The following NISCH variants were observed in gnomAD, a reference collection of about 807,000 sequenced individuals.
The protein encoded by NISCH is nischarin, also known as I-1 receptor candidate protein.
NISCH carries 55 observed loss-of-function variants against 138.4 expected under a neutral mutation model. The observed-to-expected ratio is 0.40, with a 90% CI of 0.32 to 0.50. The LOEUF is 0.50. Ranked by LOEUF, NISCH falls within the 20% of genes least tolerant of loss-of-function variation. The pLI, the probability that NISCH is intolerant of heterozygous loss-of-function variation, is 0.71. For missense variants in NISCH, 1,643 were observed against 2,005.5 expected (o/e 0.82, Z 3.45); for synonymous variants, 860 against 861.5 (o/e 1.00, Z 0.03).
intron 13 of NISCH, chr3:52,481,772 A>T: frequency 2.0e-6 from 2 of 985,534 alleles, no homozygotes; most frequent in Non-Finnish European, 2.4e-6. Context: ...CCTCTGCACC[A>T]GCTCAGCCCC....
chr3:52,479,265 C>A (rs1372156791), intron 11 of NISCH, among the ~76,000 whole-genome samples: 4 of 152,302 alleles, frequency 2.6e-5, no homozygotes, highest in Admixed American at 6.5e-5. Flanking sequence ...CCCAACCCCC[C>A]ACTGCCTGCC....
intron 12 of NISCH, 41 bp from the exon 13 acceptor site, chr3:52,480,143 T>C (rs1578300588): frequency 6.2e-7 from 1 of 1,611,318 alleles, no homozygotes; most frequent in South Asian, 1.1e-5. Flanking sequence ...AGCTCTGTGC[T>C]TCCTCTTCTC....
At chr3:52,462,967 T>G (rs1206930653) in intron 3 of NISCH, among the ~76,000 whole-genome samples, 1 of 152,152 alleles carries the variant, frequency 6.6e-6, no homozygotes, top group Non-Finnish European at 1.5e-5. Context: ...TGAGATATAA[T>G]TTACATACCA....
At position 52,471,829 on chromosome 3, in the gene NISCH, G is replaced by T. The variant is rs1343189251; in HGVS notation, c.425G>T (p.Gly142Val). 6.2e-7 allele frequency: 1 copy of T among 1,614,016 alleles called. No individual in the cohort carries two copies. The highest frequency in any genetic ancestry group is 8.5e-7 in the Non-Finnish European group (1 of 1,179,986). ...ELFEKGEQLL[G>V]AGEVFAIGPL... ...GCTCTTGCAGGAGAACAGCTCCTGG[G>T]GGCCGGCGAGGTCTTTGCCATTGGA... is the stretch of plus-strand genomic sequence containing the variant. Residue 142 changes from glycine (G) to valine (V), a missense_variant, in exon 5 of 21, where the codon GGG becomes GTG. Coordinates refer to ENST00000345716, the MANE Select transcript of NISCH (RefSeq NM_007184.4).
Position 52,487,950 on chromosome 3 carries a change from T to C in NISCH, c.2458T>C (p.Cys820Arg), listed in dbSNP as rs775120320. 1.6e-5 allele frequency: 25 copies of C among 1,611,928 alleles called. No individual in the cohort carries two copies. The highest frequency in any genetic ancestry group is 2.0e-5 in the Non-Finnish European group (24 of 1,179,970). The change falls in exon 16 of 21, where the codon TGT (cysteine) becomes CGT (arginine). Residue 820 changes from cysteine (C) to arginine (R), a missense_variant. Coordinates refer to ENST00000345716, the MANE Select transcript of NISCH (RefSeq NM_007184.4). The surrounding 1 kb of genome is among the most constrained non-coding windows in gnomAD (Gnocchi z 9.1). Reference protein sequence around the residue: ...CFAPQHMAMLCSPILYGSHTS... With the variant: ...CFAPQHMAMLRSPILYGSHTS... ...TGCACCCCAGCACATGGCCATGCTGTGTAGCCCCATCCTCTACGGCAGCCA... is the reference window on the plus strand; with the variant it reads ...TGCACCCCAGCACATGGCCATGCTGCGTAGCCCCATCCTCTACGGCAGCCA...
rs1371928458 is a variant in NISCH at position 52,487,148 on chromosome 3, G to A, written c.1704-48G>A. Reference sequence around the variant, plus strand: ...CTCCAGATGTGGCAGGTGGGAGGTGGGAGGGGCCCCTCCCAGCATGCCACT... The same window carrying A: ...CTCCAGATGTGGCAGGTGGGAGGTGAGAGGGGCCCCTCCCAGCATGCCACT... On this transcript the variant is annotated intron_variant, in intron 15 of 20. Coordinates refer to ENST00000345716, the MANE Select transcript of NISCH (RefSeq NM_007184.4). The surrounding 1 kb of genome is among the most constrained non-coding windows in gnomAD (Gnocchi z 9.1). 9.6e-6 allele frequency: 15 copies of A among 1,566,326 alleles called. No individual in the cohort carries two copies. Among genetic ancestry groups the A allele is most frequent in the Admixed American group, 1.8e-5 (1 of 56,794 alleles).
chr3:52,459,254 G>A (rs909013086), intron 3 of NISCH, among the ~76,000 whole-genome samples: 5 of 152,140 alleles, frequency 3.3e-5, no homozygotes, highest in South Asian at 2.1e-4. Context: ...ATCTTGGGGC[G>A]TGTCATCAGG....
chr3:52,479,972 C>T (rs926412207), intron 12 of NISCH, 110 bp downstream of exon 12: 14 of 1,008,368 alleles, frequency 1.4e-5, no homozygotes, highest in Middle Eastern at 2.9e-4. Flanking sequence ...GTCCCAGCTG[C>T]GCCCCTCCCT....
In NISCH at chr3:52,484,698, GT is replaced by G. The variant is rs1707363957; in HGVS notation, c.1653+63del. ...CTGTGGGTGGACTCTTCTGCTTGGG[GT>G]TGTGTGCAGTAGGAAGTGGCCTAGC... On this transcript the variant is annotated intron_variant, in intron 14 of 20. Coordinates refer to ENST00000345716, the MANE Select transcript of NISCH (RefSeq NM_007184.4). 3.1e-6 allele frequency: 5 copies of G among 1,598,922 alleles called. No homozygotes were observed. In the Admixed American group the frequency reaches 6.7e-5, roughly 21 times the overall value.
Position 52,487,443 on chromosome 3 carries a change from G to A in NISCH, c.1951G>A (p.Glu651Lys). 6.2e-7 allele frequency: 1 copy of A among 1,608,266 alleles called. No homozygotes were observed. The highest frequency in any genetic ancestry group is 8.5e-7 in the Non-Finnish European group (1 of 1,175,662). ...GGAGGAAGAAGAGGAGGACGTGGCTGAGAACCGCTACTTTGAAATGGGGCC... is the reference window on the plus strand; with the variant it reads ...GGAGGAAGAAGAGGAGGACGTGGCTAAGAACCGCTACTTTGAAATGGGGCC... Reference protein sequence around the residue: ...EEEEEEEDVAENRYFEMGPPD... With the variant: ...EEEEEEEDVAKNRYFEMGPPD... The change falls in exon 16 of 21, where the codon GAG becomes AAG. Residue 651 changes from glutamate to lysine, a missense_variant. Transcript: ENST00000345716. The surrounding 1 kb of genome is among the most constrained non-coding windows in gnomAD (Gnocchi z 9.1).
chr3:52,458,726 C>T lies in NISCH; in HGVS notation c.242C>T (p.Ser81Leu). 6.2e-7 allele frequency: 1 copy of T among 1,614,014 alleles called. No individual in the cohort carries two copies. ...CCCAAAAAGATAATTGGGAAAAACT[C>T]AAGAAGCTTGGTGGAGAAGAGGGAG... The part of the protein sequence containing the change: ...LPPKKIIGKN[S>L]RSLVEKREKD... The change falls in exon 3 of 21, where the codon TCA becomes TTA. Residue 81 changes from serine (S) to leucine (L), a missense_variant. Physicochemically the swap from Ser to Leu is moderately radical, Grantham distance 145. Coordinates refer to ENST00000345716, the MANE Select transcript of NISCH (RefSeq NM_007184.4).
chr3:52,472,224 T>C, intron 5 of NISCH, 79 bp from the exon 6 acceptor site: 2 of 1,374,226 alleles, frequency 1.5e-6, no homozygotes, highest in Non-Finnish European at 2.1e-6. Flanking sequence ...CAAAGTTGTC[T>C]TCAACTTGTC....
intron 3 of NISCH, among the ~76,000 whole-genome samples, chr3:52,459,396 T>C (rs35258126): frequency 0.047 from 7,099 of 152,324 alleles, 284 homozygotes; most frequent in Non-Finnish European, 0.069. Context: ...CAGAATGCGT[T>C]GTCAGACTTT....
At chr3:52,471,626 G>A (rs1346936087) in intron 4 of NISCH, 188 bp from the exon 5 acceptor site, 11 of 629,162 alleles carry the variant, frequency 1.7e-5, no homozygotes, top group Middle Eastern at 8.3e-4. Flanking sequence ...GTCATCACAT[G>A]TCTAGGGTTG....
At position 52,487,663 on chromosome 3, in the gene NISCH, A is replaced by G; in HGVS notation, c.2171A>G (p.Gln724Arg). 6.2e-7 allele frequency: 1 copy of G among 1,613,696 alleles called. No homozygotes were observed. Among genetic ancestry groups the G allele is most frequent in the Non-Finnish European group, 8.5e-7 (1 of 1,179,996 alleles). Residue 724 changes from glutamine to arginine, a missense_variant, in exon 16 of 21, where the codon CAG becomes CGG. By Grantham distance (43) the Gln-to-Arg change is conservative. Coordinates refer to ENST00000345716, the MANE Select transcript of NISCH (RefSeq NM_007184.4). This position sits in a 1 kb window ranked among gnomAD's most constrained non-coding sequence, Gnocchi z 9.1. The stretch of plus-strand genomic sequence containing the variant: ...ATCCATGTGCAGGGCAGTATCCGCC[A>G]GTTCGCCGCCTGCCTTGTGCTCACC... ...FLIHVQGSIR[Q>R]FAACLVLTDF...
chr3:52,471,069 T>C (rs754927466), intron 4 of NISCH, among the ~76,000 whole-genome samples, 162 bp downstream of exon 4: 3 of 152,130 alleles, frequency 2.0e-5, no homozygotes, highest in Non-Finnish European at 4.4e-5. Flanking sequence ...TTGAGTACCA[T>C]GTCAGGGGCT....
intron 13 of NISCH, among the ~76,000 whole-genome samples, chr3:52,483,041 T>G (rs1216578307): frequency 6.6e-6 from 1 of 151,826 alleles, no homozygotes; most frequent in Non-Finnish European, 1.5e-5. Context: ...ATCTCGAAGG[T>G]GAATAGGAGT....
intron 20 of NISCH, 170 bp from the exon 21 acceptor site, chr3:52,491,702 G>C: frequency 9.3e-7 from 1 of 1,071,440 alleles, no homozygotes; most frequent in Non-Finnish European, 1.3e-6. Context: ...CCATCTGGCA[G>C]ACACATCTCC....
Position 52,484,627 on chromosome 3 carries a change from C to G in NISCH, c.1643C>G (p.Pro548Arg). 1 of 1,614,022 alleles carries G rather than the reference C, an allele frequency of 6.2e-7. No individual in the cohort carries two copies. The highest frequency in any genetic ancestry group is 8.5e-7 in the Non-Finnish European group (1 of 1,180,012). Reference protein sequence around the residue: ...QGCSDSLESIPAGQAASDDLR... With the variant: ...QGCSDSLESIRAGQAASDDLR... Reference sequence around the variant, plus strand: ...TGTTCTGATTCCTTGGAGTCCATCCCTGCGGGACAGGTAATGCCCTCTTCC... The same window carrying G: ...TGTTCTGATTCCTTGGAGTCCATCCGTGCGGGACAGGTAATGCCCTCTTCC... Residue 548 changes from proline (P) to arginine (R), a missense_variant, in exon 14 of 21, where the codon CCT (proline) becomes CGT (arginine). Pro to Arg is a moderately radical substitution (Grantham distance 103, BLOSUM62 -2). Coordinates refer to ENST00000345716, the MANE Select transcript of NISCH (RefSeq NM_007184.4).
Sources: allele counts gnomAD v4.1 joint callset (sites outside exome capture counted in the v4.1 genomes callset), GRCh38; gene constraint gnomAD v4.1.1; non-coding constraint Gnocchi (gnomAD v3.1); transcripts MANE v1.5; gene names NCBI Gene and HGNC (gene_info 2026-07-23, HGNC 2026-07-21).